The following TUSC3 variants were observed in gnomAD, a reference collection of about 807,000 sequenced individuals.
TUSC3 encodes the protein dolichyl-diphosphooligosaccharide--protein glycosyltransferase subunit TUSC3.
In TUSC3, 45 loss-of-function variants were observed where a neutral mutation model predicts 44.8. That is an observed-to-expected ratio of 1.00 (90% confidence interval 0.79 to 1.29). TUSC3 has a LOEUF of 1.29. Ranked by LOEUF, TUSC3 falls within the 50% of genes most tolerant of loss-of-function variation. The probability of loss-of-function intolerance (pLI) is 0.00; values close to 1 mark genes in which losing one functional copy is unlikely to be tolerated. For missense variants in TUSC3, 519 were observed against 437.9 expected (o/e 1.19, Z -1.65); for synonymous variants, 212 against 152.9 (o/e 1.39, Z -2.85).
At chr8:15,763,192 T>C (rs370319161) in intron 10 of TUSC3, among the ~76,000 whole-genome samples, 1 of 151,916 alleles carries the variant, frequency 6.6e-6, no homozygotes, top group Non-Finnish European at 1.5e-5. Context: ...TATTTATTCT[T>C]GCACATAGTA....
At chr8:15,468,170 G>C (rs1348739814) in intron 1 of TUSC3, among the ~76,000 whole-genome samples, 1 of 152,184 alleles carries the variant, frequency 6.6e-6, no homozygotes, top group East Asian at 1.9e-4. Flanking sequence ...CATCCTGAGA[G>C]AAACGGAATT....
At chr8:15,789,764 A>T in the TUSC3 span, among the ~76,000 whole-genome samples, 1 of 152,228 alleles carries the variant, frequency 6.6e-6, no homozygotes, top group African/African-American at 2.4e-5. Context: ...GAAACAGGAC[A>T]GATATAGACC....
At chr8:15,754,753 C>A (rs936485977) in intron 9 of TUSC3, among the ~76,000 whole-genome samples, 4 of 151,432 alleles carry the variant, frequency 2.6e-5, no homozygotes, top group African/African-American at 9.7e-5. Context: ...CCATAATTAT[C>A]TTTATGTACA....
At chr8:15,605,057 C>G (rs1804462632) in intron 1 of TUSC3, among the ~76,000 whole-genome samples, 1 of 151,722 alleles carries the variant, frequency 6.6e-6, no homozygotes, top group Admixed American at 6.6e-5. Context: ...AGGTGTTAGT[C>G]AGTAAAGATG....
At chr8:15,563,489 C>G (rs1006533222) in intron 1 of TUSC3, among the ~76,000 whole-genome samples, 21 of 151,984 alleles carry the variant, frequency 1.4e-4, no homozygotes, top group African/African-American at 4.6e-4. Context: ...AGTTTGAGAA[C>G]AGCCTGGCCA....
intron 7 of TUSC3, among the ~76,000 whole-genome samples, chr8:15,732,082 A>C (rs1190015905): frequency 2.0e-5 from 3 of 152,190 alleles, no homozygotes; most frequent in Non-Finnish European, 1.5e-5. Context: ...GCATCCAATA[A>C]TCACAAAAGG....
intron 1 of TUSC3, among the ~76,000 whole-genome samples, chr8:15,554,230 A>G (rs1802158845): frequency 6.6e-6 from 1 of 151,850 alleles, no homozygotes; most frequent in Non-Finnish European, 1.5e-5. Context: ...GGGGATACAA[A>G]CATGCAGACC....
At chr8:15,693,502 T>G (rs1049820105) in intron 6 of TUSC3, among the ~76,000 whole-genome samples, 3 of 149,458 alleles carry the variant, frequency 2.0e-5, no homozygotes, top group Middle Eastern at 3.4e-3. Context: ...TCTCCTGGCT[T>G]GTAGGGTTTC....
chr8:15,507,647 C>G (rs1361786454), intron 2 of TUSC3, among the ~76,000 whole-genome samples: 1 of 151,940 alleles, frequency 6.6e-6, no homozygotes, highest in Non-Finnish European at 1.5e-5. Flanking sequence ...CTCCCATATA[C>G]AAAATATGTT....
intron 3 of TUSC3, among the ~76,000 whole-genome samples, chr8:15,654,533 G>A (rs561699569): frequency 6.6e-6 from 1 of 152,194 alleles, no homozygotes; most frequent in East Asian, 1.9e-4. Flanking sequence ...CATTGCAGGA[G>A]CTTGTGTTTA....
chr8:15,554,983 G>A (rs1563287095), intron 1 of TUSC3, among the ~76,000 whole-genome samples: 2 of 151,452 alleles, frequency 1.3e-5, no homozygotes, highest in African/African-American at 4.8e-5. Context: ...CTGCTAAATC[G>A]TGTGAAGGGC....
At chr8:15,522,472 A>G (rs1801311425) in intron 2 of TUSC3, among the ~76,000 whole-genome samples, 1 of 151,278 alleles carries the variant, frequency 6.6e-6, no homozygotes, top group Non-Finnish European at 1.5e-5. Context: ...AACTCAGGTG[A>G]TCCACCCGCC....
At chr8:15,528,250 A>G (rs903932120) in intron 2 of TUSC3, among the ~76,000 whole-genome samples, 22 of 152,220 alleles carry the variant, frequency 1.4e-4, no homozygotes, top group African/African-American at 5.3e-4. Flanking sequence ...TAAAATTAAA[A>G]TGAACATTTG....
intron 1 of TUSC3, among the ~76,000 whole-genome samples, chr8:15,567,427 C>G (rs1802718232): frequency 2.0e-5 from 3 of 152,112 alleles, no homozygotes; most frequent in South Asian, 4.2e-4. Flanking sequence ...TCCATGGAAA[C>G]TTGCCCAGAG....
chr8:15,732,266 A>G (rs552382901), intron 7 of TUSC3, among the ~76,000 whole-genome samples: 1 of 152,222 alleles, frequency 6.6e-6, no homozygotes, highest in South Asian at 2.1e-4. Context: ...CATGGGAGGG[A>G]TCCAGTGGGA....
intron 1 of TUSC3, among the ~76,000 whole-genome samples, chr8:15,544,107 G>T (rs547830020): frequency 1.3e-5 from 2 of 152,216 alleles, no homozygotes; most frequent in South Asian, 2.1e-4. Flanking sequence ...TAATTACATT[G>T]AATATAGTCA....
intron 2 of TUSC3, among the ~76,000 whole-genome samples, chr8:15,504,578 G>GATATATAT (rs1158864721): frequency 1.5e-4 from 5 of 33,454 alleles, no homozygotes; most frequent in East Asian, 1.0e-3. Flanking sequence ...CAACTTTCAG[G>GATATATAT]ATATATATAT....
chr8:15,605,957 G>A (rs13439264), intron 1 of TUSC3, among the ~76,000 whole-genome samples: 2,085 of 152,084 alleles, frequency 0.014, 37 homozygotes, highest in African/African-American at 0.047. Flanking sequence ...CTCCATGTGA[G>A]CCCTTCATCT....
the TUSC3 span, among the ~76,000 whole-genome samples, chr8:15,824,955 C>A: frequency 6.6e-6 from 1 of 152,148 alleles, no homozygotes; most frequent in African/African-American, 2.4e-5. Flanking sequence ...ATAAGATTGA[C>A]TCTCTATATA....
Sources: gnomAD v4.1 joint callset for allele counts (sites outside exome capture counted in the v4.1 genomes callset) on GRCh38, gnomAD v4.1.1 for gene constraint, MANE v1.5 for transcripts, NCBI Gene and HGNC (gene_info 2026-07-23, HGNC 2026-07-21) for gene names.